The following FHIT variants were observed in gnomAD, a reference collection of about 807,000 sequenced individuals.
FHIT encodes the protein bis(5'-adenosyl)-triphosphatase.
Under a neutral mutation model 17.9 loss-of-function variants are expected in FHIT, and 19 were observed. The ratio of observed to expected loss-of-function variants is 1.06; its 90% confidence interval spans 0.74 to 1.56. FHIT has a LOEUF of 1.56. FHIT is among the 40% of genes most tolerant of loss of function. The pLI is 0.00. For missense variants in FHIT, 248 were observed against 189.2 expected, an observed-to-expected ratio of 1.31 and a Z score of -1.82; for synonymous variants, 81 against 69.7, an observed-to-expected ratio of 1.16 and a Z score of -0.81.
At chr3:60,041,315 A>G (rs1701430579) in intron 5 of FHIT, among the ~76,000 whole-genome samples, 1 of 151,996 alleles carries the variant, frequency 6.6e-6, no homozygotes, top group African/African-American at 2.4e-5. Flanking sequence ...GAGGAAACCA[A>G]CTCAGAAGTA....
At chr3:61,228,728 A>G (rs1320816121) in intron 1 of FHIT, among the ~76,000 whole-genome samples, 1 of 152,176 alleles carries the variant, frequency 6.6e-6, no homozygotes. Flanking sequence ...AAACTGGAAA[A>G]TATCTCCAAG....
Position 60,427,946 on chromosome 3 carries a change from A to G in FHIT, c.103+108914T>C, listed in dbSNP as rs377080708. 4.2e-4 allele frequency among the ~76,000 whole-genome samples: 64 copies of G among 152,266 alleles called. 1 individual carries two copies. Among genetic ancestry groups the G allele is most frequent in the South Asian group, 3.3e-3 (16 of 4,834 alleles). ...TTTAGTTTGTAAACATCACTAGGAC[A>G]TTCTTCCTCTCCTGTTTCCATTAGA... On this transcript the variant is annotated intron_variant, in intron 5 of 9. Coordinates refer to ENST00000492590, the MANE Select transcript of FHIT (RefSeq NM_002012.4).
At chr3:59,995,694 A>T (rs1445087531) in intron 7 of FHIT, among the ~76,000 whole-genome samples, 5 of 152,154 alleles carry the variant, frequency 3.3e-5, no homozygotes, top group Non-Finnish European at 7.4e-5. Flanking sequence ...ATCTGGAGGG[A>T]ATCTCCTCCT....
intron 5 of FHIT, among the ~76,000 whole-genome samples, chr3:60,255,161 CTAACT>C (rs1705924572): frequency 6.6e-6 from 1 of 152,128 alleles, no homozygotes; most frequent in Non-Finnish European, 1.5e-5. Flanking sequence ...CTCCTCCTAC[CTAACT>C]TTTCTATAAA....
chr3:61,092,591 A>G (rs2035520106), intron 2 of FHIT, among the ~76,000 whole-genome samples: 2 of 152,194 alleles, frequency 1.3e-5, no homozygotes, highest in South Asian at 4.1e-4. Context: ...TATTGTCTTT[A>G]TGTTCAAGTT....
intron 5 of FHIT, among the ~76,000 whole-genome samples, chr3:60,387,392 C>T (rs1438633056): frequency 6.6e-6 from 1 of 152,136 alleles, no homozygotes; most frequent in East Asian, 1.9e-4. Flanking sequence ...AAGGAATGGA[C>T]ACTTAAAACT....
intron 5 of FHIT, among the ~76,000 whole-genome samples, chr3:60,319,174 A>C (rs1709303579): frequency 6.6e-6 from 1 of 152,164 alleles, no homozygotes; most frequent in Non-Finnish European, 1.5e-5. Context: ...AGGAATTAGG[A>C]CATGGACATA....
intron 5 of FHIT, among the ~76,000 whole-genome samples, chr3:60,036,615 T>C (rs1331879013): frequency 1.3e-5 from 2 of 152,200 alleles, no homozygotes; most frequent in African/African-American, 4.8e-5. Context: ...AATGAGCCCA[T>C]AGTCCCGCCA....
At chr3:60,075,725 C>T (rs1013608916) in intron 5 of FHIT, among the ~76,000 whole-genome samples, 1 of 151,974 alleles carries the variant, frequency 6.6e-6, no homozygotes, top group Non-Finnish European at 1.5e-5. Context: ...AACTCCTATT[C>T]TCTATAATAC....
At chr3:61,180,281 G>A (rs7641121) in intron 2 of FHIT, among the ~76,000 whole-genome samples, 2,295 of 152,288 alleles carry the variant, frequency 0.015, 48 homozygotes, top group African/African-American at 0.053. Flanking sequence ...GGCTGGCTCA[G>A]CAAGTGATTT....
chr3:61,136,694 A>T (rs2036925859), intron 2 of FHIT, among the ~76,000 whole-genome samples: 1 of 152,238 alleles, frequency 6.6e-6, no homozygotes, highest in African/African-American at 2.4e-5. Flanking sequence ...GAGTTCCTCA[A>T]AGGCAGGAGT....
chr3:60,950,842 T>C (rs540018640), intron 3 of FHIT, among the ~76,000 whole-genome samples: 1 of 152,048 alleles, frequency 6.6e-6, no homozygotes, highest in Non-Finnish European at 1.5e-5. Flanking sequence ...CTTTTCTTCT[T>C]GTCTGATTAA....
In FHIT at chr3:60,892,035, A is replaced by G. The variant is rs138951526; in HGVS notation, c.-110-70024T>C. ...GGTGATTTGGTCTTATGGCTCCCCAATGTCAGTCCATGGATTGGGATCTGT... is the reference window on the plus strand; with the variant it reads ...GGTGATTTGGTCTTATGGCTCCCCAGTGTCAGTCCATGGATTGGGATCTGT... On this transcript the variant is annotated intron_variant, in intron 3 of 9. Coordinates refer to ENST00000492590, the MANE Select transcript of FHIT (RefSeq NM_002012.4). Among the ~76,000 whole-genome samples the G allele has an allele frequency of 3.9e-3, 601 of 152,278 alleles. 1 individual carries two copies. The highest frequency in any genetic ancestry group is 9.2e-3 in the African/African-American group (381 of 41,556).
intron 5 of FHIT, among the ~76,000 whole-genome samples, chr3:60,130,906 C>T (rs200293885): frequency 2.3e-5 from 3 of 129,042 alleles, no homozygotes; most frequent in South Asian, 2.7e-4. Context: ...CACATATATA[C>T]ACATATATGT....
chr3:61,101,312 T>A (rs946906711), intron 2 of FHIT, among the ~76,000 whole-genome samples: 1 of 152,220 alleles, frequency 6.6e-6, no homozygotes, highest in African/African-American at 2.4e-5. Context: ...ATTTATTAAA[T>A]AGGGAATCCT....
chr3:60,378,781 G>T (rs905584087), intron 5 of FHIT, among the ~76,000 whole-genome samples: 1 of 152,232 alleles, frequency 6.6e-6, no homozygotes, highest in Admixed American at 6.5e-5. Context: ...CACTGGCCAT[G>T]CCAGGGATGC....
At chr3:59,858,233 C>A (rs1225414811) in intron 8 of FHIT, among the ~76,000 whole-genome samples, 1 of 131,974 alleles carries the variant, frequency 7.6e-6, no homozygotes, top group Admixed American at 7.7e-5. Flanking sequence ...CTTTTCCCAC[C>A]TTCTTTTTTT....
chr3:60,343,511 A>G (rs1426914330), intron 5 of FHIT, among the ~76,000 whole-genome samples: 1 of 152,148 alleles, frequency 6.6e-6, no homozygotes, highest in African/African-American at 2.4e-5. Context: ...TGGTGTATTA[A>G]AGATGAGGAA....
chr3:60,889,122 C>T (rs1311052909), intron 3 of FHIT, among the ~76,000 whole-genome samples: 1 of 152,144 alleles, frequency 6.6e-6, no homozygotes, highest in Non-Finnish European at 1.5e-5. Flanking sequence ...TGATTACCTG[C>T]TACCTGCTCT....
Sources: allele counts gnomAD v4.1 joint callset (sites outside exome capture counted in the v4.1 genomes callset), GRCh38; gene constraint gnomAD v4.1.1; transcripts MANE v1.5; gene names NCBI Gene and HGNC (gene_info 2026-07-23, HGNC 2026-07-21).